FHOD3: variants seen among roughly 807,000 people sequenced by gnomAD.
FHOD3 encodes the protein formin homology 2 domain containing 3, also known as FH1/FH2 domain-containing protein 3.
A neutral mutation model predicts 173.0 loss-of-function variants in FHOD3; 90 were observed. The observed-to-expected ratio is 0.52, with a 90% CI of 0.44 to 0.62. The LOEUF is 0.62. Ranked by LOEUF, FHOD3 falls within the 20% of genes least tolerant of loss-of-function variation. FHOD3 has a pLI of 0.00. For synonymous variants in FHOD3, 828 were observed against 823.0 expected (o/e 1.01, Z -0.10); for missense variants, 1,945 against 2,034.7 (o/e 0.96, Z 0.85).
intron 3 of FHOD3, among the ~76,000 whole-genome samples, chr18:36,457,585 A>AT (rs2052295529): frequency 1.3e-5 from 2 of 151,548 alleles, no homozygotes; most frequent in Admixed American, 1.3e-4. Flanking sequence ...GTTTGCTTTT[A>AT]TTGGCAGAGC....
intron 9 of FHOD3, among the ~76,000 whole-genome samples, chr18:36,623,922 C>T (rs1181574370): frequency 6.6e-6 from 1 of 152,200 alleles, no homozygotes; most frequent in African/African-American, 2.4e-5. Context: ...ATGAGGGCAG[C>T]TGATTTTGCA....
rs369993673 is a variant in FHOD3, at chr18:36,633,165, C to T, written c.1196+7416C>T. On this transcript the variant is annotated intron_variant, in intron 10 of 28. Coordinates refer to ENST00000590592, the MANE Select transcript of FHOD3 (RefSeq NM_001281740.3). Reference sequence around the variant, plus strand: ...AGTTTCCCCTTATCTTCCAGTGTTCCTAGAGGAAGGTCATATACCAGTTAA... The same window carrying T: ...AGTTTCCCCTTATCTTCCAGTGTTCTTAGAGGAAGGTCATATACCAGTTAA... Among the ~76,000 whole-genome samples, 51 of 152,296 alleles carry T rather than the reference C, an allele frequency of 3.3e-4. No homozygotes were observed. In the East Asian group the frequency reaches 4.1e-3, roughly 12 times the overall value.
chr18:36,380,558 TTTTCTTTTCTTTTCTTTTCTTTTCC>T (rs2047699957), intron 3 of FHOD3, among the ~76,000 whole-genome samples: 2 of 61,634 alleles, frequency 3.2e-5, no homozygotes, highest in South Asian at 2.1e-3. Context: ...TTTTGTTTTC[TTTTCTTTTCTTTTCTTTTCTTTTCC>T]TTTCCTTTCC....
rs1415058761 is a variant in FHOD3 at position 36,718,263 on chromosome 18, G to A, written c.2965G>A (p.Glu989Lys). Reference sequence around the variant, plus strand: ...GGACCAGCTCATGGCCAATCCAAGAGAGCTCAGAATCCAAGACATGGATTT... The same window carrying A: ...GGACCAGCTCATGGCCAATCCAAGAAAGCTCAGAATCCAAGACATGGATTT... ...IWDQLMANPR[E>K]LRIQDMDFTD... Residue 989 changes from glutamate to lysine, a missense_variant, in exon 19 of 29, where the codon GAG becomes AAG. By Grantham distance (56) the Glu-to-Lys change is moderately conservative. Coordinates refer to ENST00000590592, the MANE Select transcript of FHOD3 (RefSeq NM_001281740.3). 6.8e-6 allele frequency: 11 copies of A among 1,614,034 alleles called. No individual in the cohort carries two copies. The highest frequency in any genetic ancestry group is 9.3e-6 in the Non-Finnish European group (11 of 1,180,028).
chr18:36,549,918 G>A (rs764101479), intron 5 of FHOD3, among the ~76,000 whole-genome samples: 57 of 150,884 alleles, frequency 3.8e-4, no homozygotes, highest in Non-Finnish European at 4.6e-4. Flanking sequence ...TTTTCTAGAA[G>A]GTTTTAGTTT....
chr18:36,377,493 A>G lies in FHOD3; in HGVS notation c.337+4749A>G, dbSNP rs113148911. ...GGCTCTGTGTCAGTTTGGAATTTCCATAAAAACTAGAGGTTTCCTATGGGA... is the reference window on the plus strand; with the variant it reads ...GGCTCTGTGTCAGTTTGGAATTTCCGTAAAAACTAGAGGTTTCCTATGGGA... On this transcript the variant is annotated intron_variant, in intron 3 of 28. Coordinates refer to ENST00000590592, the MANE Select transcript of FHOD3 (RefSeq NM_001281740.3). Among the ~76,000 whole-genome samples the G allele has an allele frequency of 1.3e-3, 199 of 152,306 alleles. 2 individuals carry two copies. The highest frequency in any genetic ancestry group is 4.5e-3 in the African/African-American group (186 of 41,552).
chr18:36,383,059 TG>T (rs1409912039), intron 3 of FHOD3, among the ~76,000 whole-genome samples: 2 of 152,192 alleles, frequency 1.3e-5, no homozygotes, highest in African/African-American at 4.8e-5. Context: ...GTGCCCTGTC[TG>T]ATTATTAACA....
At chr18:36,370,015 T>C (rs2047102571) in intron 2 of FHOD3, among the ~76,000 whole-genome samples, 1 of 152,158 alleles carries the variant, frequency 6.6e-6, no homozygotes, top group Non-Finnish European at 1.5e-5. Flanking sequence ...GACACAGAAG[T>C]AGTACCTACA....
chr18:36,559,562 G>A (rs2058018350), intron 5 of FHOD3, among the ~76,000 whole-genome samples: 1 of 152,084 alleles, frequency 6.6e-6, no homozygotes, highest in African/African-American at 2.4e-5. Context: ...TTAGCATCTT[G>A]CTTGGGCAGG....
intron 3 of FHOD3, among the ~76,000 whole-genome samples, chr18:36,451,911 C>T (rs916515183): frequency 2.6e-5 from 4 of 152,154 alleles, no homozygotes; most frequent in East Asian, 1.9e-4. Context: ...AGATAGCAGC[C>T]GCCCTCTGGA....
chr18:36,446,727 C>T (rs989855656), intron 3 of FHOD3, among the ~76,000 whole-genome samples: 3 of 152,112 alleles, frequency 2.0e-5, no homozygotes, highest in Admixed American at 2.0e-4. Context: ...TATCCCTCAC[C>T]CCCACCTGCC....
intron 5 of FHOD3, among the ~76,000 whole-genome samples, chr18:36,568,186 AAAT>A (rs1403433390): frequency 4.1e-4 from 5 of 12,272 alleles, no homozygotes; most frequent in African/African-American, 8.5e-4. Flanking sequence ...AAAAAAAAAT[AAAT>A]TAGCCAGGCA....
intron 6 of FHOD3, among the ~76,000 whole-genome samples, chr18:36,589,476 G>C (rs868857625): frequency 6.6e-6 from 1 of 152,164 alleles, no homozygotes; most frequent in Non-Finnish European, 1.5e-5. Context: ...AGCTGGAAAG[G>C]GCTGGCTGGA....
At chr18:36,465,908 C>T (rs575296946) in intron 3 of FHOD3, among the ~76,000 whole-genome samples, 155 of 152,204 alleles carry the variant, frequency 1.0e-3, no homozygotes, top group African/African-American at 3.5e-3. Flanking sequence ...AGGGACATTT[C>T]GCCTACTCAG....
intron 3 of FHOD3, among the ~76,000 whole-genome samples, chr18:36,397,884 TGAA>T (rs1441233678): frequency 1.3e-5 from 2 of 152,212 alleles, no homozygotes; most frequent in East Asian, 3.8e-4. Flanking sequence ...GGAGGGTTGA[TGAA>T]GGACTTGCCC....
intron 3 of FHOD3, among the ~76,000 whole-genome samples, chr18:36,396,859 C>A (rs9953498): frequency 0.051 from 7,410 of 144,758 alleles, 607 homozygotes; most frequent in African/African-American, 0.17. Context: ...GAACTTTTAG[C>A]AGGAGGCTTG....
At chr18:36,335,744 A>T (rs915072270) in intron 1 of FHOD3, among the ~76,000 whole-genome samples, 1 of 152,048 alleles carries the variant, frequency 6.6e-6, no homozygotes, top group African/African-American at 2.4e-5. Context: ...CTGCTGCCAC[A>T]TCTCTGTTCC....
chr18:36,604,806 C>T (rs1010984360), intron 8 of FHOD3, among the ~76,000 whole-genome samples: 1 of 152,056 alleles, frequency 6.6e-6, no homozygotes, highest in Non-Finnish European at 1.5e-5. Context: ...AAATGAAAAT[C>T]ACAAATTATA....
intron 28 of FHOD3, among the ~76,000 whole-genome samples, chr18:36,772,014 C>T (rs927272495): frequency 2.0e-5 from 3 of 152,164 alleles, no homozygotes; most frequent in Non-Finnish European, 4.4e-5. Context: ...GGCACAATAA[C>T]GCGGTCATAA....
Sources: gnomAD v4.1 joint callset for allele counts (sites outside exome capture counted in the v4.1 genomes callset) on GRCh38, gnomAD v4.1.1 for gene constraint, MANE v1.5 for transcripts, NCBI Gene and HGNC (gene_info 2026-07-23, HGNC 2026-07-21) for gene names.